Variants in GUCY2F observed in about 807,000 individuals in gnomAD.
The protein encoded by GUCY2F is guanylate cyclase 2F, retinal.
Under a neutral mutation model 73.1 loss-of-function variants are expected in GUCY2F, and 61 were observed. That is an observed-to-expected ratio of 0.83 (90% CI 0.68 to 1.03). GUCY2F has a LOEUF of 1.03. Ranked by LOEUF, GUCY2F falls within the 50% of genes least tolerant of loss-of-function variation. The pLI is 0.00. For synonymous variants in GUCY2F, 331 were observed against 307.8 expected (o/e 1.08, Z -0.79); for missense variants, 912 against 854.3 (o/e 1.07, Z -0.84).
At chrX:109,429,568 A>G (rs1387260287) in intron 8 of GUCY2F, among the ~76,000 whole-genome samples, 1 of 112,178 alleles carries the variant, frequency 8.9e-6, no homozygotes, top group Non-Finnish European at 1.9e-5. Flanking sequence ...CAGTTGCCTC[A>G]TTCAGATTTG....
At chrX:109,378,539 C>T (rs1670649989) in intron 17 of GUCY2F, among the ~76,000 whole-genome samples, 1 of 111,478 alleles carries the variant, frequency 9.0e-6, no homozygotes, top group Non-Finnish European at 1.9e-5. Flanking sequence ...GAATTTGAGG[C>T]AAAACTTTCT....
intron 8 of GUCY2F, among the ~76,000 whole-genome samples, chrX:109,419,868 A>T (rs1001013614): frequency 9.1e-6 from 1 of 109,343 alleles, no homozygotes; most frequent in Non-Finnish European, 1.9e-5. Context: ...TGTCCAAAAC[A>T]ATCTTGAAAA....
chrX:109,477,831 C>G (rs1471648978), intron 1 of GUCY2F, among the ~76,000 whole-genome samples: 1 of 111,929 alleles, frequency 8.9e-6, no homozygotes, highest in African/African-American at 3.3e-5. Context: ...TTATGAGAAA[C>G]CTTGACTCCT....
Position 109,398,565 on chromosome X carries a change from C to T in GUCY2F, c.2259G>A (p.Met753Ile), listed in dbSNP as rs1276425145. ...CCCGCTTACCTTGAGCTGGCAGATC[C>T]ATCATGCAGAATGGGGTACCCCGGA... is the stretch of plus-strand genomic sequence containing the variant. ...VMVRGTPFCM[M>I]DLPAQEIINR... Residue 753 changes from methionine (M) to isoleucine (I), a missense_variant, in exon 11 of 20, where the codon ATG becomes ATA. Coordinates refer to ENST00000218006, the MANE Select transcript of GUCY2F (RefSeq NM_001522.3). The T allele has an allele frequency of 1.7e-6, 2 of 1,208,957 alleles. No individual in the cohort carries two copies. Among genetic ancestry groups the T allele is most frequent in the East Asian group, 5.9e-5 (2 of 33,770 alleles).
At chrX:109,407,089 T>C (rs1288024569) in intron 9 of GUCY2F, among the ~76,000 whole-genome samples, 1 of 111,694 alleles carries the variant, frequency 9.0e-6, no homozygotes, top group Non-Finnish European at 1.9e-5. Flanking sequence ...GACAGGAAAA[T>C]GTGGGAAAGT....
chrX:109,424,426 T>G (rs953358755), intron 8 of GUCY2F, among the ~76,000 whole-genome samples: 1 of 111,608 alleles, frequency 9.0e-6, no homozygotes, highest in Non-Finnish European at 1.9e-5. Context: ...GAGAGAGGTG[T>G]GAACAGGTGG....
chrX:109,390,687 T>A (rs1213087704), intron 14 of GUCY2F, among the ~76,000 whole-genome samples: 1 of 112,525 alleles, frequency 8.9e-6, no homozygotes, highest in Non-Finnish European at 1.9e-5. Context: ...CATCTTTGAT[T>A]TTAGTTTCAA....
intron 9 of GUCY2F, 60 bp downstream of exon 9, chrX:109,408,931 CA>C: frequency 3.4e-6 from 2 of 585,431 alleles, no homozygotes; most frequent in South Asian, 2.8e-5. Context: ...TAAAATATCC[CA>C]AAACATTAAA....
chrX:109,446,800 C>A (rs994390897), intron 6 of GUCY2F, among the ~76,000 whole-genome samples: 2 of 111,999 alleles, frequency 1.8e-5, no homozygotes, highest in African/African-American at 6.5e-5. Context: ...TAAAGAGCTT[C>A]TGCACAGCAA....
chrX:109,447,169 C>A (rs1932031638), intron 6 of GUCY2F, among the ~76,000 whole-genome samples: 1 of 111,914 alleles, frequency 8.9e-6, no homozygotes, highest in South Asian at 3.8e-4. Context: ...CACTTTTACA[C>A]CATTGGTGGG....
intron 8 of GUCY2F, among the ~76,000 whole-genome samples, chrX:109,415,397 G>T (rs1331234425): frequency 8.9e-6 from 1 of 112,356 alleles, no homozygotes; most frequent in Non-Finnish European, 1.9e-5. Flanking sequence ...TGAGTCTGGG[G>T]GCTATAGAGG....
At chrX:109,443,312 T>A (rs1931918236) in intron 6 of GUCY2F, among the ~76,000 whole-genome samples, 1 of 111,813 alleles carries the variant, frequency 8.9e-6, no homozygotes, top group Non-Finnish European at 1.9e-5. Flanking sequence ...CAATTTATTT[T>A]TTTTTATTTA....
At chrX:109,381,478 T>C (rs748372733) in intron 17 of GUCY2F, among the ~76,000 whole-genome samples, 21 of 111,848 alleles carry the variant, frequency 1.9e-4, no homozygotes, top group Admixed American at 1.8e-3. Flanking sequence ...CCGGTGGTCT[T>C]TGGTCATTCA....
At chrX:109,411,574 C>T (rs1214936558) in intron 8 of GUCY2F, among the ~76,000 whole-genome samples, 1 of 111,967 alleles carries the variant, frequency 8.9e-6, no homozygotes, top group African/African-American at 3.2e-5. Context: ...CCATCTCAGG[C>T]TCAGATTTTG....
chrX:109,394,811 G>C (rs1481494767), intron 12 of GUCY2F, among the ~76,000 whole-genome samples: 3 of 111,859 alleles, frequency 2.7e-5, no homozygotes, highest in African/African-American at 9.8e-5. Flanking sequence ...GGAAACTTAA[G>C]GAATCTCCTG....
intron 7 of GUCY2F, among the ~76,000 whole-genome samples, chrX:109,438,794 C>T (rs1286450743): frequency 1.8e-5 from 2 of 112,684 alleles, no homozygotes; most frequent in African/African-American, 6.4e-5. Context: ...GTGGCCATGT[C>T]CCAAAGCCCC....
At chrX:109,441,292 C>T (rs1338033939) in intron 7 of GUCY2F, 59 bp downstream of exon 7, 15 of 757,377 alleles carry the variant, frequency 2.0e-5, no homozygotes, top group Non-Finnish European at 1.8e-6. Context: ...ATTACTAAAT[C>T]ATTGCCTCAT....
intron 6 of GUCY2F, 82 bp downstream of exon 6, chrX:109,447,987 C>A: frequency 3.9e-6 from 2 of 511,995 alleles, no homozygotes; most frequent in Admixed American, 2.8e-5. Flanking sequence ...TCAGACTAGC[C>A]ACACGTCAAG....
chrX:109,391,861 C>A, intron 14 of GUCY2F, 50 bp downstream of exon 14: 2 of 780,126 alleles, frequency 2.6e-6, no homozygotes, highest in Non-Finnish European at 3.7e-6. Flanking sequence ...ATGGATGGGC[C>A]TCATATAAAA....
Sources: allele counts gnomAD v4.1 joint callset (sites outside exome capture counted in the v4.1 genomes callset), GRCh38; gene constraint gnomAD v4.1.1; transcripts MANE v1.5; gene names NCBI Gene and HGNC (gene_info 2026-07-23, HGNC 2026-07-21).